XKR4: variants seen among roughly 807,000 people sequenced by gnomAD.
XKR4 encodes the protein XK related 4, also known as XK-related protein 4.
In XKR4, 12 loss-of-function variants were observed where a neutral mutation model predicts 53.9. That is an observed-to-expected ratio of 0.22 (90% CI 0.14 to 0.36). The LOEUF is 0.36. XKR4 is among the 10% of genes least tolerant of loss of function. XKR4 has a pLI of 1.00. For missense variants in XKR4, 799 were observed against 859.5 expected (o/e 0.93, Z 0.88); for synonymous variants, 354 against 362.4 (o/e 0.98, Z 0.26).
chr8:55,376,941 C>A (rs1258583006), intron 2 of XKR4, among the ~76,000 whole-genome samples: 1 of 102,598 alleles, frequency 9.7e-6, no homozygotes, highest in African/African-American at 4.4e-5. Flanking sequence ...CATACACACA[C>A]ACAAACACAC....
chr8:55,446,073 G>A (rs920247865), intron 2 of XKR4, among the ~76,000 whole-genome samples: 8 of 152,184 alleles, frequency 5.3e-5, no homozygotes, highest in African/African-American at 1.9e-4. Flanking sequence ...TAGCCTGTGT[G>A]CTGCTGCACT....
rs567673881 is a variant in XKR4 at position 55,142,073 on chromosome 8, T to C, written c.806+38779T>C. ...ACCCCCAACAGCCTTGCAGCCTCCC[T>C]GGTGACTTTCTGGGCTGCTGGGGAG... On this transcript the variant is annotated intron_variant, in intron 1 of 2. Coordinates refer to ENST00000327381, the MANE Select transcript of XKR4 (RefSeq NM_052898.2). 3 of 456,052 alleles carry C rather than the reference T, an allele frequency of 6.6e-6. No homozygotes were observed. The East Asian group carries it at 2.1e-4, about 32-fold the overall frequency. 28.3% of individuals were successfully genotyped at this position (456,052 alleles called of 1,614,324 possible).
intron 2 of XKR4, among the ~76,000 whole-genome samples, chr8:55,406,174 T>C (rs1804679327): frequency 6.6e-6 from 1 of 152,232 alleles, no homozygotes; most frequent in Non-Finnish European, 1.5e-5. Context: ...ATTAATATGA[T>C]AATGAGGGCA....
intron 1 of XKR4, among the ~76,000 whole-genome samples, chr8:55,307,541 C>G (rs1819321396): frequency 1.3e-5 from 2 of 152,026 alleles, no homozygotes; most frequent in African/African-American, 4.8e-5. Flanking sequence ...CTGGTCCCAG[C>G]TACTTGGGAG....
In XKR4 at chr8:55,121,667, T is replaced by C. The variant is rs369777363; in HGVS notation, c.806+18373T>C. Among the ~76,000 whole-genome samples the C allele has an allele frequency of 3.3e-5, 5 of 152,136 alleles. No individual in the cohort carries two copies. In the East Asian group the frequency reaches 5.8e-4, roughly 18 times the overall value. ...CTGGTACCAACTCTCTAGATTCACA[T>C]GGGGGAAATAAAAAACTATTGGAAC... On this transcript the variant is annotated intron_variant, in intron 1 of 2. Transcript: ENST00000327381.
Position 55,534,368 on chromosome 8 carries a change from T to A in XKR4, c.*10141T>A, listed in dbSNP as rs1403611100. 459 of 110,970 alleles carry A rather than the reference T, an allele frequency of 4.1e-3. 3 individuals are homozygous for A. The highest frequency in any genetic ancestry group is 0.014 in the African/African-American group (436 of 30,404). The allele number at this position is 110,970 out of a possible 1,614,324, so 6.9% of individuals were successfully genotyped here. ...AAGATCACGAATCTGATATTCTTTT[T>A]TTTTTTTTTTTTTTTTTTTTTTTGA... is the stretch of plus-strand genomic sequence containing the variant. On this transcript the variant is annotated 3_prime_UTR_variant, in exon 3 of 3. Coordinates refer to ENST00000327381, the MANE Select transcript of XKR4 (RefSeq NM_052898.2).
rs191395040 is a variant in XKR4 at position 55,299,905 on chromosome 8, C to T, written c.807-57773C>T. 6.6e-5 allele frequency among the ~76,000 whole-genome samples: 10 copies of T among 152,062 alleles called. No individual in the cohort carries two copies. In the East Asian group the frequency reaches 1.4e-3, roughly 21 times the overall value. ...AGGACCTGAGGAGGGAGATTTGTAC[C>T]GGAGATACAGATTTAGATGTCACCA... On this transcript the variant is annotated intron_variant, in intron 1 of 2. Coordinates refer to ENST00000327381, the MANE Select transcript of XKR4 (RefSeq NM_052898.2).
chr8:55,392,724 G>C (rs114956374), intron 2 of XKR4, among the ~76,000 whole-genome samples: 6,250 of 152,236 alleles, frequency 0.041, 423 homozygotes, highest in African/African-American at 0.14. Context: ...CTAAGAAGCA[G>C]AGGTTACAGT....
chr8:55,339,844 G>C (rs2129381955), intron 1 of XKR4, among the ~76,000 whole-genome samples: 1 of 152,108 alleles, frequency 6.6e-6, no homozygotes, highest in African/African-American at 2.4e-5. Flanking sequence ...GAATGTGTTA[G>C]ATTTTTACTA....
At chr8:55,183,701 A>C (rs1280015775) in intron 1 of XKR4, among the ~76,000 whole-genome samples, 1 of 152,148 alleles carries the variant, frequency 6.6e-6, no homozygotes, top group Non-Finnish European at 1.5e-5. Flanking sequence ...GAGAATGTCT[A>C]TTCTGCTGCT....
intron 1 of XKR4, among the ~76,000 whole-genome samples, chr8:55,243,306 T>C (rs1263327548): frequency 1.3e-5 from 2 of 152,236 alleles, no homozygotes; most frequent in East Asian, 3.9e-4. Context: ...CAGAATAGTC[T>C]CACTGCCTAA....
chr8:55,479,073 C>T (rs1305052773), intron 2 of XKR4, among the ~76,000 whole-genome samples: 1 of 152,078 alleles, frequency 6.6e-6, no homozygotes, highest in Non-Finnish European at 1.5e-5. Flanking sequence ...ACAGAACTCT[C>T]CACCCCAAAT....
rs775246515 is a variant in XKR4, at chr8:55,523,847, A to C, written c.1573A>C (p.Ser525Arg). Reference sequence around the variant, plus strand: ...TGGACCCAGATTCGGGCAGTCACCAAGTTGTGCTTGTGAGGACCCAGCCGC... The same window carrying C: ...TGGACCCAGATTCGGGCAGTCACCACGTTGTGCTTGTGAGGACCCAGCCGC... ...PNGPRFGQSP[S>R]CACEDPAAAF... Residue 525 changes from serine (S) to arginine (R), a missense_variant, in exon 3 of 3, where the codon AGT (serine) becomes CGT (arginine). Physicochemically the swap from Ser to Arg is moderately radical, Grantham distance 110 (BLOSUM62 -1). Around this residue, in one of 3 missense-constraint regions of XKR4, gnomAD observed 269 missense variants for 264.4 expected, o/e 1.02. Coordinates refer to ENST00000327381, the MANE Select transcript of XKR4 (RefSeq NM_052898.2). The C allele has an allele frequency of 6.2e-7, 1 of 1,614,168 alleles. No homozygotes were observed. Among genetic ancestry groups the C allele is most frequent in the Non-Finnish European group, 8.5e-7 (1 of 1,180,026 alleles).
intron 1 of XKR4, among the ~76,000 whole-genome samples, chr8:55,175,789 G>A (rs968088116): frequency 1.3e-5 from 2 of 152,156 alleles, no homozygotes; most frequent in Admixed American, 1.3e-4. Context: ...CCATATCAGT[G>A]TGTAATAATA....
chr8:55,253,112 G>A (rs1818383321), intron 1 of XKR4, among the ~76,000 whole-genome samples: 1 of 152,158 alleles, frequency 6.6e-6, no homozygotes, highest in African/African-American at 2.4e-5. Context: ...TTGTTGAAGA[G>A]TTTTGTATGT....
rs1240281119 is a variant in XKR4, at chr8:55,536,482, C to A, written c.*12255C>A. 6.6e-6 allele frequency: 1 copy of A among 152,166 alleles called. No homozygotes were observed. The highest frequency in any genetic ancestry group is 1.5e-5 in the Non-Finnish European group (1 of 68,022). 9.4% of individuals were successfully genotyped at this position (152,166 alleles called of 1,614,324 possible). On this transcript the variant is annotated 3_prime_UTR_variant, in exon 3 of 3. Transcript: ENST00000327381. Reference sequence around the variant, plus strand: ...TGATGAAAAGTGGCCAAGTAGATCACTCAAGTGGTAAATTTGGTCTTCATG... The same window carrying A: ...TGATGAAAAGTGGCCAAGTAGATCAATCAAGTGGTAAATTTGGTCTTCATG...
chr8:55,421,605 A>G (rs1804933567), intron 2 of XKR4, among the ~76,000 whole-genome samples: 1 of 152,184 alleles, frequency 6.6e-6, no homozygotes, highest in Admixed American at 6.5e-5. Context: ...GTCATTGAAA[A>G]TTAGCTGATG....
rs1004391911 is a variant in XKR4, at chr8:55,533,800, T to C, written c.*9573T>C. On this transcript the variant is annotated 3_prime_UTR_variant, in exon 3 of 3. Transcript: ENST00000327381. ...TAATCAGTTAGTGAAAAAGGAGCAC[T>C]TCCGTTCAGCCGTAGTACCATGACG... The C allele has an allele frequency of 1.3e-5, 2 of 152,202 alleles. No homozygotes were observed. Among genetic ancestry groups the C allele is most frequent in the African/African-American group, 4.8e-5 (2 of 41,440 alleles). The allele number at this position is 152,202 out of a possible 1,614,324, so 9.4% of individuals were successfully genotyped here. A position where few individuals can be genotyped will look rare whatever the true frequency, so the allele number is the denominator to read the frequency against.
At chr8:55,495,032 A>G (rs1806321539) in intron 2 of XKR4, among the ~76,000 whole-genome samples, 1 of 150,642 alleles carries the variant, frequency 6.6e-6, no homozygotes, top group Admixed American at 6.8e-5. Context: ...GGCCAGCACC[A>G]GGCTGTCCTC....
Sources: allele counts gnomAD v4.1 joint callset (sites outside exome capture counted in the v4.1 genomes callset), GRCh38; gene constraint gnomAD v4.1.1; regional missense constraint gnomAD v4.1.1; transcripts MANE v1.5; gene names NCBI Gene and HGNC (gene_info 2026-07-23, HGNC 2026-07-21).